The following LHFPL3 variants were observed in gnomAD, a reference collection of about 807,000 sequenced individuals.
LHFPL3 encodes LHFPL tetraspan subfamily member 3 protein.
A neutral mutation model predicts 19.3 loss-of-function variants in LHFPL3; 5 were observed. That is an observed-to-expected ratio of 0.26 (90% CI 0.14 to 0.54). The LOEUF is 0.54. Ranked by LOEUF, LHFPL3 falls within the 20% of genes least tolerant of loss-of-function variation. The probability of loss-of-function intolerance (pLI) is 0.94; values close to 1 mark genes in which losing one functional copy is unlikely to be tolerated. For synonymous variants in LHFPL3, 133 were observed against 126.2 expected (o/e 1.05, Z -0.36); for missense variants, 249 against 307.4 (o/e 0.81, Z 1.42).
rs573649438 is a variant in LHFPL3, at chr7:104,584,274, C to T, written c.446-152401C>T. ...ATTGAACAATGAGAACACACGGACACAGGAAGGGGAACGTCACACACTAGG... is the reference window on the plus strand; with the variant it reads ...ATTGAACAATGAGAACACACGGACATAGGAAGGGGAACGTCACACACTAGG... On this transcript the variant is annotated intron_variant, in intron 1 of 2. Transcript: ENST00000424859. 4.6e-5 allele frequency among the ~76,000 whole-genome samples: 7 copies of T among 150,994 alleles called. No homozygotes were observed. In the East Asian group the frequency reaches 1.2e-3, roughly 25 times the overall value.
At chr7:104,836,369 T>C (rs1791095801) in intron 2 of LHFPL3, among the ~76,000 whole-genome samples, 1 of 152,158 alleles carries the variant, frequency 6.6e-6, no homozygotes, top group Non-Finnish European at 1.5e-5. Context: ...TTTTTAAAGG[T>C]ACTCCGTGGC....
chr7:104,877,370 G>A (rs919676860), intron 2 of LHFPL3, among the ~76,000 whole-genome samples: 6 of 152,156 alleles, frequency 3.9e-5, no homozygotes, highest in African/African-American at 1.2e-4. Flanking sequence ...CCTGATAAGG[G>A]ACTTGTATCC....
At chr7:104,631,066 T>A (rs932799460) in intron 1 of LHFPL3, among the ~76,000 whole-genome samples, 1 of 152,110 alleles carries the variant, frequency 6.6e-6, no homozygotes, top group Non-Finnish European at 1.5e-5. Context: ...GAAAAGCTGT[T>A]CACAAGAAGG....
chr7:104,641,510 AGGTATACCAGAG>A (rs1457457134), intron 1 of LHFPL3, among the ~76,000 whole-genome samples: 1 of 152,200 alleles, frequency 6.6e-6, no homozygotes, highest in Non-Finnish European at 1.5e-5. Context: ...TTTTCGTTAG[AGGTATACCAGAG>A]AATCAGAACA....
At chr7:104,714,570 G>A (rs150499392) in intron 1 of LHFPL3, among the ~76,000 whole-genome samples, 1 of 151,828 alleles carries the variant, frequency 6.6e-6, no homozygotes, top group Non-Finnish European at 1.5e-5. Flanking sequence ...GTGCCTCGGA[G>A]TTCATATAAC....
chr7:104,386,358 C>T (rs745429315), intron 1 of LHFPL3, among the ~76,000 whole-genome samples: 7 of 152,178 alleles, frequency 4.6e-5, no homozygotes, highest in Non-Finnish European at 7.3e-5. Flanking sequence ...TTGTTGAAGA[C>T]AATCTTTGGT....
chr7:104,593,391 G>A (rs1411393650), intron 1 of LHFPL3, among the ~76,000 whole-genome samples: 2 of 152,184 alleles, frequency 1.3e-5, no homozygotes, highest in African/African-American at 2.4e-5. Context: ...TGATTGCACT[G>A]TGGTCTGAGA....
At chr7:104,835,595 T>C (rs1791075898) in intron 2 of LHFPL3, among the ~76,000 whole-genome samples, 2 of 151,486 alleles carry the variant, frequency 1.3e-5, no homozygotes. Flanking sequence ...TTTTTTTTTT[T>C]TGAGATGAAG....
chr7:104,530,932 G>A (rs566614298), intron 1 of LHFPL3, among the ~76,000 whole-genome samples: 1 of 152,222 alleles, frequency 6.6e-6, no homozygotes, highest in African/African-American at 2.4e-5. Flanking sequence ...TTTCTCCATG[G>A]CAGGGGCAAA....
At chr7:104,792,282 C>A in intron 2 of LHFPL3, among the ~76,000 whole-genome samples, 1 of 152,076 alleles carries the variant, frequency 6.6e-6, no homozygotes, top group East Asian at 1.9e-4. Flanking sequence ...ATGTTGACAG[C>A]CAATAAAAAT....
intron 1 of LHFPL3, among the ~76,000 whole-genome samples, chr7:104,377,435 T>C (rs956673617): frequency 2.0e-4 from 31 of 152,094 alleles, no homozygotes; most frequent in African/African-American, 7.2e-4. Context: ...AAAGCACACA[T>C]AAGTAGGAGG....
intron 1 of LHFPL3, among the ~76,000 whole-genome samples, chr7:104,585,692 A>C (rs1790560787): frequency 6.6e-6 from 1 of 152,122 alleles, no homozygotes; most frequent in African/African-American, 2.4e-5. Context: ...TACATGCTCC[A>C]CAGAAATGAA....
At position 104,824,461 on chromosome 7, in the gene LHFPL3, TTTATATATAATATATAA is replaced by T. The variant is rs1486077794; in HGVS notation, c.683-81714_683-81698del. Among the ~76,000 whole-genome samples, 15 of 55,986 alleles carry T rather than the reference TTTATATATAATATATAA, an allele frequency of 2.7e-4. No individual in the cohort carries two copies. In the East Asian group the frequency reaches 5.8e-3, roughly 22 times the overall value. 36.7% of individuals were successfully genotyped at this position (55,986 alleles called of 152,430 possible). On this transcript the variant is annotated intron_variant, in intron 2 of 2. Transcript: ENST00000424859. ...TATAGATAATATATAATTATATAAT[TTTATATATAATATATAA>T]TTATATATAATCTATAATTATATAT...
chr7:104,359,296 C>T (rs1790344884), intron 1 of LHFPL3, among the ~76,000 whole-genome samples: 1 of 152,208 alleles, frequency 6.6e-6, no homozygotes, highest in Non-Finnish European at 1.5e-5. Context: ...GAACACTAGA[C>T]ACCTGATAGA....
chr7:104,740,927 C>T (rs751416768), intron 2 of LHFPL3, among the ~76,000 whole-genome samples: 1 of 151,928 alleles, frequency 6.6e-6, no homozygotes, highest in Non-Finnish European at 1.5e-5. Flanking sequence ...CTAATGGATA[C>T]ACAAAAAATC....
At chr7:104,805,069 C>T (rs1043311563) in intron 2 of LHFPL3, among the ~76,000 whole-genome samples, 1 of 152,206 alleles carries the variant, frequency 6.6e-6, no homozygotes, top group African/African-American at 2.4e-5. Context: ...CCCTCAGGGG[C>T]CCCCATAGGC....
At chr7:104,614,668 C>CTTTCT (rs1791287766) in intron 1 of LHFPL3, among the ~76,000 whole-genome samples, 1 of 88,222 alleles carries the variant, frequency 1.1e-5, no homozygotes. Context: ...TCCTTCCTTC[C>CTTTCT]TTCCTTCCTT....
At chr7:104,499,474 T>A (rs1274747288) in intron 1 of LHFPL3, among the ~76,000 whole-genome samples, 1 of 152,218 alleles carries the variant, frequency 6.6e-6, no homozygotes, top group African/African-American at 2.4e-5. Context: ...ATTCAAGATA[T>A]TATCTTGGTA....
At chr7:104,556,103 G>T (rs1789826368) in intron 1 of LHFPL3, among the ~76,000 whole-genome samples, 1 of 152,186 alleles carries the variant, frequency 6.6e-6, no homozygotes, top group Admixed American at 6.5e-5. Flanking sequence ...GCTTTCATGG[G>T]CTGGTGTTGA....
Sources: gnomAD v4.1 joint callset for allele counts (sites outside exome capture counted in the v4.1 genomes callset) on GRCh38, gnomAD v4.1.1 for gene constraint, MANE v1.5 for transcripts, NCBI Gene and HGNC (gene_info 2026-07-23, HGNC 2026-07-21) for gene names.